Variants in ITFG1 observed in about 807,000 individuals in gnomAD.
The protein encoded by ITFG1 is integrin alpha FG-GAP repeat containing 1, also known as T-cell immunomodulatory protein.
ITFG1 carries 34 observed loss-of-function variants against 81.8 expected under a neutral mutation model. That is an observed-to-expected ratio of 0.42 (90% CI 0.32 to 0.55). The LOEUF (loss-of-function observed/expected upper bound fraction) is 0.55, where lower values mean the gene tolerates loss of function less well. Ranked by LOEUF, ITFG1 falls within the 20% of genes least tolerant of loss-of-function variation. The pLI is 0.17. For synonymous variants in ITFG1, 285 were observed against 270.6 expected (o/e 1.05, Z -0.52); for missense variants, 672 against 755.4 (o/e 0.89, Z 1.29).
At chr16:47,182,909 C>T (rs1965149182) in intron 14 of ITFG1, among the ~76,000 whole-genome samples, 1 of 152,112 alleles carries the variant, frequency 6.6e-6, no homozygotes, top group Non-Finnish European at 1.5e-5. Flanking sequence ...TCAGTGGGTG[C>T]GCACACCGTG....
chr16:47,391,945 CTG>C (rs1187053053), intron 6 of ITFG1, among the ~76,000 whole-genome samples: 1 of 152,154 alleles, frequency 6.6e-6, no homozygotes, highest in Non-Finnish European at 1.5e-5. Context: ...ATGCCAAGTA[CTG>C]TTCTAACTGG....
chr16:47,215,760 G>A (rs1213474052), intron 14 of ITFG1, among the ~76,000 whole-genome samples: 1 of 152,066 alleles, frequency 6.6e-6, no homozygotes, highest in Non-Finnish European at 1.5e-5. Context: ...ATATTTTGCA[G>A]TCTGGAGAAT....
At chr16:47,241,773 G>A (rs1188417047) in intron 12 of ITFG1, among the ~76,000 whole-genome samples, 1 of 152,082 alleles carries the variant, frequency 6.6e-6, no homozygotes. Context: ...GGCTAACACA[G>A]TGAAACCCCG....
chr16:47,170,925 G>C (rs1964950926), intron 14 of ITFG1, among the ~76,000 whole-genome samples: 1 of 151,028 alleles, frequency 6.6e-6, no homozygotes, highest in African/African-American at 2.4e-5. Context: ...AGTAGAGGTG[G>C]TGCTTCGTCA....
chr16:47,439,186 G>C (rs1969211064), intron 5 of ITFG1, among the ~76,000 whole-genome samples: 1 of 152,186 alleles, frequency 6.6e-6, no homozygotes, highest in Non-Finnish European at 1.5e-5. Context: ...GGGACTATGT[G>C]AAAAGATCAA....
chr16:47,205,169 T>C (rs1195292517), intron 14 of ITFG1, among the ~76,000 whole-genome samples: 2 of 152,262 alleles, frequency 1.3e-5, no homozygotes, highest in Non-Finnish European at 2.9e-5. Flanking sequence ...TTGTGAGTTT[T>C]ATAGTCTACA....
chr16:47,331,886 T>A (rs1967642005), intron 8 of ITFG1, among the ~76,000 whole-genome samples: 1 of 152,190 alleles, frequency 6.6e-6, no homozygotes, highest in African/African-American at 2.4e-5. Flanking sequence ...TTCAAAGCTG[T>A]AATTATAATT....
At chr16:47,163,512 T>A (rs1297339836) in intron 14 of ITFG1, among the ~76,000 whole-genome samples, 2 of 152,248 alleles carry the variant, frequency 1.3e-5, no homozygotes, top group Non-Finnish European at 2.9e-5. Flanking sequence ...CTTTGTTATA[T>A]ATACATTTTG....
intron 6 of ITFG1, among the ~76,000 whole-genome samples, chr16:47,420,671 C>T (rs1324429367): frequency 6.6e-6 from 1 of 152,190 alleles, no homozygotes; most frequent in East Asian, 1.9e-4. Context: ...CCCTCTCTCT[C>T]GTGTCCTATT....
chr16:47,327,716 CATGAAAAA>C (rs1460178881), intron 8 of ITFG1, among the ~76,000 whole-genome samples: 2 of 152,132 alleles, frequency 1.3e-5, no homozygotes, highest in Non-Finnish European at 2.9e-5. Context: ...CCAAAAAACA[CATGAAAAA>C]ATGCTCATCA....
Position 47,382,603 on chromosome 16 carries a change from C to T in ITFG1, c.656-6663G>A, listed in dbSNP as rs72800644. On this transcript the variant is annotated intron_variant, in intron 6 of 17. Transcript: ENST00000320640. Reference sequence around the variant, plus strand: ...AAATCACTAATGGTAACAATGAACACATTCCTACCCTGTCTTCCGTCGTCA... The same window carrying T: ...AAATCACTAATGGTAACAATGAACATATTCCTACCCTGTCTTCCGTCGTCA... Among the ~76,000 whole-genome samples, 489 of 145,524 alleles carry T rather than the reference C, an allele frequency of 3.4e-3. 7 individuals carry two copies. In the South Asian group the frequency reaches 0.052, roughly 15 times the overall value.
chr16:47,367,560 C>T (rs762387328), intron 7 of ITFG1, among the ~76,000 whole-genome samples: 25 of 152,274 alleles, frequency 1.6e-4, no homozygotes, highest in Admixed American at 3.3e-4. Context: ...TGGGGACTAA[C>T]GCCAAATTTG....
chr16:47,168,551 T>TG (rs1964922341), intron 14 of ITFG1, among the ~76,000 whole-genome samples: 1 of 147,818 alleles, frequency 6.8e-6, no homozygotes, highest in African/African-American at 2.5e-5. Flanking sequence ...AAAAGTTTTT[T>TG]TTTTTTTTTT....
At chr16:47,279,626 T>C (rs553011092) in intron 10 of ITFG1, among the ~76,000 whole-genome samples, 127 of 152,276 alleles carry the variant, frequency 8.3e-4, no homozygotes, top group African/African-American at 2.8e-3. Context: ...GGTTCCTTTG[T>C]CTTTTCATAT....
intron 12 of ITFG1, among the ~76,000 whole-genome samples, chr16:47,247,474 A>G (rs1259062113): frequency 6.6e-6 from 1 of 152,198 alleles, no homozygotes; most frequent in Non-Finnish European, 1.5e-5. Flanking sequence ...GTAAACCTCA[A>G]GGCAAATATC....
intron 6 of ITFG1, chr16:47,426,235 G>A (rs2151608635): frequency 6.6e-6 from 1 of 152,124 alleles, no homozygotes. Context: ...GTGCAGATGG[G>A]TAGCAGTAGC....
At chr16:47,334,912 T>C (rs1351277156) in intron 8 of ITFG1, among the ~76,000 whole-genome samples, 2 of 152,154 alleles carry the variant, frequency 1.3e-5, no homozygotes, top group African/African-American at 4.8e-5. Context: ...GAGCTAAAAT[T>C]AGAAAGCTTA....
chr16:47,298,488 C>G (rs1419162826), intron 10 of ITFG1, among the ~76,000 whole-genome samples: 1 of 148,946 alleles, frequency 6.7e-6, no homozygotes, highest in Admixed American at 6.6e-5. Context: ...TTTTTTTTTT[C>G]TCTTCAGGAT....
chr16:47,296,239 T>G (rs1036735361), intron 10 of ITFG1, among the ~76,000 whole-genome samples: 2 of 151,734 alleles, frequency 1.3e-5, no homozygotes, highest in Non-Finnish European at 2.9e-5. Flanking sequence ...GTACAGCCCT[T>G]TTTTTCTTTT....
Sources: allele counts gnomAD v4.1 joint callset (sites outside exome capture counted in the v4.1 genomes callset), GRCh38; gene constraint gnomAD v4.1.1; transcripts MANE v1.5; gene names NCBI Gene and HGNC (gene_info 2026-07-23, HGNC 2026-07-21).